Variants in CNTN4 observed in about 807,000 individuals in gnomAD.
CNTN4 encodes the protein contactin-4.
A neutral mutation model predicts 122.5 loss-of-function variants in CNTN4; 77 were observed. That is an observed-to-expected ratio of 0.63 (90% CI 0.52 to 0.76). CNTN4 has a LOEUF of 0.76. Ranked by LOEUF, CNTN4 falls within the 30% of genes least tolerant of loss-of-function variation. CNTN4 has a pLI of 0.00. For missense variants in CNTN4, 1,256 were observed against 1,259.1 expected (o/e 1.00, Z 0.04); for synonymous variants, 512 against 447.0 (o/e 1.15, Z -1.83).
intron 7 of CNTN4, among the ~76,000 whole-genome samples, chr3:2,837,957 TAA>T (rs1160525849): frequency 5.3e-5 from 8 of 152,212 alleles, no homozygotes; most frequent in Non-Finnish European, 1.0e-4. Context: ...GCAATTAATA[TAA>T]GTCATCTCAT....
chr3:2,718,839 TA>T, intron 4 of CNTN4, among the ~76,000 whole-genome samples: 1 of 152,196 alleles, frequency 6.6e-6, no homozygotes, highest in Non-Finnish European at 1.5e-5. Context: ...GTTTTTAAAG[TA>T]AATGTAGACA....
intron 3 of CNTN4, among the ~76,000 whole-genome samples, chr3:2,540,069 T>TTGTGTG (rs35310430): frequency 8.7e-5 from 13 of 149,062 alleles, no homozygotes; most frequent in African/African-American, 2.2e-4. Context: ...TTCATCAGTG[T>TTGTGTG]TGTGTGTGTG....
At chr3:2,698,219 A>T (rs1186748189) in intron 4 of CNTN4, among the ~76,000 whole-genome samples, 5 of 152,236 alleles carry the variant, frequency 3.3e-5, no homozygotes, top group African/African-American at 9.6e-5. Context: ...TACTTTTACT[A>T]TTTTGTAAAT....
At chr3:3,010,122 C>T (rs1306037295) in intron 14 of CNTN4, among the ~76,000 whole-genome samples, 1 of 151,894 alleles carries the variant, frequency 6.6e-6, no homozygotes, top group Non-Finnish European at 1.5e-5. Flanking sequence ...GTCCTCTGGC[C>T]CAGAGACCTA....
intron 13 of CNTN4, among the ~76,000 whole-genome samples, chr3:2,980,974 G>A (rs377535700): frequency 4.6e-5 from 7 of 152,102 alleles, no homozygotes; most frequent in East Asian, 1.9e-4. Flanking sequence ...GCAAAGAGAA[G>A]GGACGATGGA....
intron 4 of CNTN4, among the ~76,000 whole-genome samples, chr3:2,597,464 C>G (rs539710715): frequency 2.0e-5 from 3 of 152,086 alleles, no homozygotes; most frequent in African/African-American, 7.2e-5. Context: ...AATAAAAATG[C>G]GAAAGTATTG....
At position 2,915,398 on chromosome 3, in the gene CNTN4, A is replaced by G. The variant is rs1405821613; in HGVS notation, c.1208-10231A>G. On this transcript the variant is annotated intron_variant, in intron 12 of 24. Transcript: ENST00000418658. The stretch of plus-strand genomic sequence containing the variant: ...ATACCTTTTCATGACAAAAACACTC[A>G]ACAAAGTAGAGAAGCAAACTACCTC... Among the ~76,000 whole-genome samples, 4 of 152,332 alleles carry G rather than the reference A, an allele frequency of 2.6e-5. No homozygotes were observed. In the East Asian group the frequency reaches 7.7e-4, roughly 29 times the overall value.
chr3:2,248,572 A>G (rs2040241873), intron 2 of CNTN4, among the ~76,000 whole-genome samples: 1 of 152,020 alleles, frequency 6.6e-6, no homozygotes, highest in Non-Finnish European at 1.5e-5. Context: ...AAGGCCAATA[A>G]CATTTGTATC....
intron 2 of CNTN4, among the ~76,000 whole-genome samples, chr3:2,188,571 G>A (rs564915089): frequency 6.6e-6 from 1 of 152,274 alleles, no homozygotes; most frequent in South Asian, 2.1e-4. Context: ...AGAATTTCAG[G>A]TAGGGTGAGA....
At position 2,841,680 on chromosome 3, in the gene CNTN4, G is replaced by A. The variant is rs553454368; in HGVS notation, c.454+22099G>A. Among the ~76,000 whole-genome samples the A allele has an allele frequency of 6.6e-6, 1 of 152,246 alleles. No homozygotes were observed. Among genetic ancestry groups the A allele is most frequent in the African/African-American group, 2.4e-5 (1 of 41,548 alleles). On this transcript the variant is annotated intron_variant, in intron 7 of 24. Transcript: ENST00000418658. The surrounding 1 kb of genome is among the most constrained non-coding windows in gnomAD (Gnocchi z 4.8). ...TTGTTATATGGTAGAAGTATAGTCC[G>A]TAAGGAATAGAAAGGACGAGGTTGA... is the stretch of plus-strand genomic sequence containing the variant.
At chr3:2,166,300 G>T (rs1192207727) in intron 2 of CNTN4, among the ~76,000 whole-genome samples, 7 of 151,542 alleles carry the variant, frequency 4.6e-5, no homozygotes, top group African/African-American at 1.7e-4. Flanking sequence ...GATTTTTTTT[G>T]GTTATTATCT....
chr3:3,032,569 G>A (rs911346325), intron 16 of CNTN4, among the ~76,000 whole-genome samples: 1 of 152,142 alleles, frequency 6.6e-6, no homozygotes, highest in Non-Finnish European at 1.5e-5. Context: ...TTACAGAGGG[G>A]GAGGCAGGAA....
chr3:2,670,872 T>A (rs2084470767), intron 4 of CNTN4, among the ~76,000 whole-genome samples: 1 of 152,252 alleles, frequency 6.6e-6, no homozygotes, highest in Non-Finnish European at 1.5e-5. Context: ...TGGCTGGATA[T>A]GAAATTCTGG....
chr3:2,887,886 A>G (rs1204379746), intron 10 of CNTN4, among the ~76,000 whole-genome samples: 2 of 152,194 alleles, frequency 1.3e-5, no homozygotes, highest in Admixed American at 6.5e-5. Flanking sequence ...GAAATCTCGA[A>G]AAGGATTTCA....
At chr3:2,818,191 G>A (rs547020504) in intron 6 of CNTN4, among the ~76,000 whole-genome samples, 1 of 152,308 alleles carries the variant, frequency 6.6e-6, no homozygotes, top group Admixed American at 6.5e-5. Context: ...ACTTAATGGA[G>A]TTTTTATGAA....
At chr3:3,039,787 C>T in intron 19 of CNTN4, 1 of 486,582 alleles carries the variant, frequency 2.1e-6, no homozygotes, top group Non-Finnish European at 3.8e-6. Flanking sequence ...CATTTCAGAG[C>T]TGGGTCTGCC....
chr3:2,575,600 C>G (rs1017418598), intron 4 of CNTN4, among the ~76,000 whole-genome samples: 3 of 152,082 alleles, frequency 2.0e-5, no homozygotes, highest in African/African-American at 7.2e-5. Flanking sequence ...AATGCTCTTG[C>G]CTTAAATGTC....
intron 4 of CNTN4, among the ~76,000 whole-genome samples, chr3:2,733,272 G>A (rs1559443150): frequency 6.6e-6 from 1 of 152,116 alleles, no homozygotes; most frequent in Non-Finnish European, 1.5e-5. Context: ...GACAACAATG[G>A]AAATATTTCT....
chr3:2,240,205 A>T (rs1040091275), intron 2 of CNTN4, among the ~76,000 whole-genome samples: 21 of 152,198 alleles, frequency 1.4e-4, no homozygotes, highest in South Asian at 4.1e-4. Flanking sequence ...TGGCCATTTA[A>T]AAAACTAAAT....
Sources: allele counts gnomAD v4.1 joint callset (sites outside exome capture counted in the v4.1 genomes callset), GRCh38; gene constraint gnomAD v4.1.1; non-coding constraint Gnocchi (gnomAD v3.1); transcripts MANE v1.5; gene names NCBI Gene and HGNC (gene_info 2026-07-23, HGNC 2026-07-21).